The following RELN variants were observed in gnomAD, a reference collection of about 807,000 sequenced individuals.
RELN encodes the protein reelin.
In RELN, 108 loss-of-function variants were observed where a neutral mutation model predicts 427.6. The observed-to-expected ratio is 0.25, with a 90% CI of 0.22 to 0.30. The LOEUF is 0.30. RELN is among the 10% of genes least tolerant of loss of function. RELN has a pLI of 1.00. For missense variants in RELN, 3,715 were observed against 4,302.8 expected, an observed-to-expected ratio of 0.86 and a Z score of 3.82; for synonymous variants, 1,524 against 1,513.4, an observed-to-expected ratio of 1.01 and a Z score of -0.16.
rs139078837 is a variant in RELN at position 103,986,810 on chromosome 7, G to A, written c.226+2321C>T. Among the ~76,000 whole-genome samples the A allele has an allele frequency of 4.1e-4, 62 of 152,136 alleles. 1 individual carries two copies. In the East Asian group the frequency reaches 5.0e-3, roughly 12 times the overall value. On this transcript the variant is annotated intron_variant, in intron 1 of 64. Transcript: ENST00000428762. ...CAAGCTAACATTTTACACATTTCTTGTAAGTTTAAGAAGACTTCTTGGGCA... is the reference window on the plus strand; with the variant it reads ...CAAGCTAACATTTTACACATTTCTTATAAGTTTAAGAAGACTTCTTGGGCA...
intron 40 of RELN, among the ~76,000 whole-genome samples, chr7:103,552,649 C>T (rs750609226): frequency 4.0e-5 from 6 of 151,750 alleles, no homozygotes; most frequent in East Asian, 1.9e-4. Flanking sequence ...ATTACAGGTG[C>T]GCACCACCAT....
chr7:103,525,040 C>T (rs1037126875), intron 46 of RELN, among the ~76,000 whole-genome samples: 2 of 152,084 alleles, frequency 1.3e-5, no homozygotes, highest in Non-Finnish European at 2.9e-5. Context: ...CTGTTTCTCC[C>T]CTCAGGCGCC....
chr7:103,749,398 C>A, intron 6 of RELN, 28 bp downstream of exon 6: 1 of 1,577,398 alleles, frequency 6.3e-7, no homozygotes. Context: ...TTAAGCAAAC[C>A]AAAGTGAGGA....
chr7:103,769,035 T>C (rs1791496716), intron 4 of RELN, among the ~76,000 whole-genome samples: 1 of 152,242 alleles, frequency 6.6e-6, no homozygotes, highest in Non-Finnish European at 1.5e-5. Flanking sequence ...TTTACCCCAC[T>C]GATCTACTTC....
intron 19 of RELN, among the ~76,000 whole-genome samples, chr7:103,630,862 T>TTTG (rs1380098392): frequency 6.9e-4 from 99 of 143,864 alleles, no homozygotes; most frequent in Non-Finnish European, 1.2e-3. Flanking sequence ...TTTTTTTTGT[T>TTTG]TTTTTTTTTT....
At position 103,715,740 on chromosome 7, in the gene RELN, T is replaced by C. The variant is rs571377242; in HGVS notation, c.805+7400A>G. 2.0e-4 allele frequency among the ~76,000 whole-genome samples: 30 copies of C among 152,252 alleles called. No homozygotes were observed. In the South Asian group the frequency reaches 5.8e-3, roughly 29 times the overall value. ...ATAATGGAGAGAGGGATCCATTCTCTCCCAATTTATGGAAGGCCAAGCCAC... is the reference window on the plus strand; with the variant it reads ...ATAATGGAGAGAGGGATCCATTCTCCCCCAATTTATGGAAGGCCAAGCCAC... On this transcript the variant is annotated intron_variant, in intron 8 of 64. Coordinates refer to ENST00000428762, the MANE Select transcript of RELN (RefSeq NM_005045.4).
chr7:103,492,624 G>T (rs1395443265), intron 57 of RELN, among the ~76,000 whole-genome samples: 4 of 152,124 alleles, frequency 2.6e-5, no homozygotes, highest in Non-Finnish European at 5.9e-5. Context: ...AACTAGGGAA[G>T]GTTAGTGTTA....
intron 2 of RELN, among the ~76,000 whole-genome samples, chr7:103,906,185 G>A (rs1029805802): frequency 8.5e-5 from 13 of 152,092 alleles, no homozygotes; most frequent in Non-Finnish European, 1.5e-4. Context: ...TTCTTTGGGT[G>A]ATGATAAAAA....
intron 49 of RELN, among the ~76,000 whole-genome samples, chr7:103,516,330 C>T (rs151057526): frequency 0.021 from 3,117 of 149,396 alleles, 42 homozygotes; most frequent in Non-Finnish European, 0.031. Flanking sequence ...CTGTTGCCCA[C>T]GCTGGAGTAC....
chr7:103,554,370 C>A (rs532952268), intron 38 of RELN, among the ~76,000 whole-genome samples: 1 of 151,722 alleles, frequency 6.6e-6, no homozygotes, highest in East Asian at 2.0e-4. Context: ...CAAGCCTGGG[C>A]AATATGGCAA....
intron 1 of RELN, among the ~76,000 whole-genome samples, chr7:103,958,775 C>A (rs1173629028): frequency 3.3e-5 from 5 of 149,408 alleles, no homozygotes; most frequent in African/African-American, 4.9e-5. Context: ...CTAAAATCTG[C>A]AAGAAAAAAA....
At chr7:103,630,866 T>TTTG (rs1554394467) in intron 19 of RELN, among the ~76,000 whole-genome samples, 3 of 144,186 alleles carry the variant, frequency 2.1e-5, no homozygotes, top group African/African-American at 5.0e-5. Context: ...TTTTGTTTTT[T>TTTG]TTTTTTTTGT....
chr7:103,574,844 A>T (rs562203002), intron 29 of RELN, among the ~76,000 whole-genome samples: 2 of 152,344 alleles, frequency 1.3e-5, no homozygotes, highest in African/African-American at 4.8e-5. Flanking sequence ...TTTGAAGCTT[A>T]TAATATTTTC....
Position 103,497,907 on chromosome 7 carries a change from G to C in RELN, c.8863C>G (p.Arg2955Gly). ...GTCATGTTGTTCTCACTACCGATGC[G>C]CCCCCAGTATTGCAGGAACCTGAAT... is the stretch of plus-strand genomic sequence containing the variant. ...RGAKFLQYWG[R>G]IGSENNMTSC... Residue 2955 changes from arginine (R) to glycine (G), a missense_variant, in exon 55 of 65, where the codon CGC becomes GGC. By Grantham distance (125) the Arg-to-Gly change is moderately radical (BLOSUM62 -2). Transcript: ENST00000428762. 6.2e-7 allele frequency: 1 copy of C among 1,614,022 alleles called. No individual in the cohort carries two copies. The highest frequency in any genetic ancestry group is 8.5e-7 in the Non-Finnish European group (1 of 1,179,972).
chr7:103,872,476 G>T (rs1446189737), intron 2 of RELN, among the ~76,000 whole-genome samples: 1 of 132,934 alleles, frequency 7.5e-6, no homozygotes, highest in Non-Finnish European at 1.6e-5. Context: ...TTGGACATTT[G>T]GGTTGGTTCC....
At chr7:103,774,017 A>G (rs962313938) in intron 4 of RELN, among the ~76,000 whole-genome samples, 4 of 151,900 alleles carry the variant, frequency 2.6e-5, no homozygotes, top group South Asian at 4.2e-4. Flanking sequence ...GACTTTCGGT[A>G]GGGTGCGGTG....
chr7:103,858,002 G>GTTTTTTTTT (rs34616950), intron 2 of RELN, among the ~76,000 whole-genome samples: 1 of 151,388 alleles, frequency 6.6e-6, no homozygotes, highest in Non-Finnish European at 1.5e-5. Flanking sequence ...CTCTTCAATG[G>GTTTTTTTTT]TTTCTTTTTT....
At chr7:103,811,814 C>T (rs761667378) in intron 3 of RELN, among the ~76,000 whole-genome samples, 1 of 152,138 alleles carries the variant, frequency 6.6e-6, no homozygotes, top group Non-Finnish European at 1.5e-5. Flanking sequence ...TTTTAAAAAT[C>T]GACCCCCAAA....
At chr7:103,675,328 A>G (rs1476341910) in intron 11 of RELN, among the ~76,000 whole-genome samples, 2 of 152,204 alleles carry the variant, frequency 1.3e-5, no homozygotes, top group African/African-American at 4.8e-5. Context: ...TCCAACTTAC[A>G]AGGGATGTGA....
Sources: gnomAD v4.1 joint callset for allele counts (sites outside exome capture counted in the v4.1 genomes callset) on GRCh38, gnomAD v4.1.1 for gene constraint, MANE v1.5 for transcripts, NCBI Gene and HGNC (gene_info 2026-07-23, HGNC 2026-07-21) for gene names.